The following PRELID2 variants were observed in gnomAD, a reference collection of about 807,000 sequenced individuals.
The protein encoded by PRELID2 is PRELI domain containing 2, also known as PRELI domain-containing protein 2.
In PRELID2, 25 loss-of-function variants were observed where a neutral mutation model predicts 28.4. That is an observed-to-expected ratio of 0.88 (90% CI 0.64 to 1.23). PRELID2 has a LOEUF of 1.23. PRELID2 is among the 50% of genes most tolerant of loss of function. PRELID2 has a pLI of 0.00. For missense variants in PRELID2, 201 were observed against 214.4 expected (o/e 0.94, Z 0.39); for synonymous variants, 76 against 71.6 (o/e 1.06, Z -0.31).
At chr5:145,508,488 G>C (rs1752432273) in intron 1 of PRELID2, among the ~76,000 whole-genome samples, 1 of 151,932 alleles carries the variant, frequency 6.6e-6, no homozygotes, top group African/African-American at 2.4e-5. Context: ...GAAAGAAAAA[G>C]CTTTTATTTC....
the PRELID2 span, among the ~76,000 whole-genome samples, chr5:145,429,422 CT>C: frequency 1.1e-4 from 16 of 152,052 alleles, no homozygotes; most frequent in African/African-American, 3.6e-4. Flanking sequence ...AGGAAACCAT[CT>C]GGGGGAGAGG....
At chr5:145,558,871 G>A (rs1338753221) in intron 1 of PRELID2, among the ~76,000 whole-genome samples, 1 of 152,180 alleles carries the variant, frequency 6.6e-6, no homozygotes, top group African/African-American at 2.4e-5. Flanking sequence ...AAAAAAATGT[G>A]ATGCACATTT....
the PRELID2 span, among the ~76,000 whole-genome samples, chr5:145,417,003 G>C: frequency 1.3e-5 from 2 of 151,490 alleles, no homozygotes; most frequent in Non-Finnish European, 2.9e-5. Flanking sequence ...TAATAAAACA[G>C]ACTGCAAGCT....
chr5:145,286,696 G>GTTTTTTTTTTT, the PRELID2 span, among the ~76,000 whole-genome samples: 1 of 116,990 alleles, frequency 8.5e-6, no homozygotes, highest in African/African-American at 4.0e-5. Flanking sequence ...CAACATAGAA[G>GTTTTTTTTTTT]TTTTTGTTTT....
chr5:145,308,763 G>A, the PRELID2 span, among the ~76,000 whole-genome samples: 1 of 152,244 alleles, frequency 6.6e-6, no homozygotes, highest in South Asian at 2.1e-4. Context: ...AGCAATGAAT[G>A]GCAACAAAGA....
At position 145,610,956 on chromosome 5, in the gene PRELID2, A is replaced by T. The variant is rs1334033404; in HGVS notation, n.71-137641T>A. Among the ~76,000 whole-genome samples the T allele has an allele frequency of 2.0e-5, 3 of 148,954 alleles. No homozygotes were observed. The Admixed American group carries it at 2.0e-4, about 10-fold the overall frequency. ...GACCCTAAACTACAGTAAACAAAAT[A>T]AAGAAATATATTTCTTTATATATTT... is the stretch of plus-strand genomic sequence containing the variant. On this transcript the variant is annotated intron_variant and non_coding_transcript_variant, in intron 1 of 2. Coordinates refer to the PRELID2 transcript ENST00000510259.
intron 1 of PRELID2, among the ~76,000 whole-genome samples, chr5:145,535,914 G>T (rs1721105806): frequency 6.6e-6 from 1 of 151,922 alleles, no homozygotes; most frequent in Admixed American, 6.6e-5. Flanking sequence ...TTTAAAGGTT[G>T]ATATTTAAAT....
chr5:145,707,826 C>T (rs1203343851), intron 1 of PRELID2, among the ~76,000 whole-genome samples: 1 of 151,988 alleles, frequency 6.6e-6, no homozygotes, highest in African/African-American at 2.4e-5. Context: ...GTACTGTATA[C>T]CCAAAACCAC....
intron 1 of PRELID2, among the ~76,000 whole-genome samples, chr5:145,700,391 C>A (rs527708400): frequency 3.9e-5 from 6 of 152,054 alleles, no homozygotes; most frequent in African/African-American, 1.5e-4. Flanking sequence ...CTTTCCCCCC[C>A]ACCACTCTCA....
chr5:145,688,730 G>A (rs2149694076), intron 1 of PRELID2, among the ~76,000 whole-genome samples: 1 of 152,210 alleles, frequency 6.6e-6, no homozygotes, highest in East Asian at 1.9e-4. Context: ...GAAGACCCAT[G>A]TACCTAGAGC....
chr5:145,320,239 T>C, the PRELID2 span, among the ~76,000 whole-genome samples: 1 of 152,170 alleles, frequency 6.6e-6, no homozygotes, highest in African/African-American at 2.4e-5. Context: ...CTGCCTGCAG[T>C]TGTCACATAT....
At chr5:145,494,525 C>T (rs536054223) in intron 1 of PRELID2, among the ~76,000 whole-genome samples, 1 of 152,156 alleles carries the variant, frequency 6.6e-6, no homozygotes, top group South Asian at 2.1e-4. Context: ...GACAAGATCA[C>T]ACATTTAAGT....
intron 6 of PRELID2, among the ~76,000 whole-genome samples, chr5:145,763,201 C>T (rs1354719183): frequency 6.6e-6 from 1 of 152,216 alleles, no homozygotes; most frequent in African/African-American, 2.4e-5. Context: ...ATCCCACCCT[C>T]CAGAGTAAGA....
At chr5:145,625,165 C>G (rs1373830202) in intron 1 of PRELID2, among the ~76,000 whole-genome samples, 1 of 152,046 alleles carries the variant, frequency 6.6e-6, no homozygotes, top group East Asian at 1.9e-4. Context: ...TTTGTCATTA[C>G]CCTTCAAAGA....
intron 1 of PRELID2, among the ~76,000 whole-genome samples, chr5:145,746,192 A>C (rs1756986251): frequency 6.6e-6 from 1 of 152,240 alleles, no homozygotes; most frequent in African/African-American, 2.4e-5. Flanking sequence ...AAATGGGCTA[A>C]ATGCCCCAAT....
the PRELID2 span, among the ~76,000 whole-genome samples, chr5:145,296,318 T>C: frequency 2.6e-5 from 4 of 151,492 alleles, no homozygotes; most frequent in Admixed American, 6.6e-5. Context: ...ATTAGGTATA[T>C]CTCCTAAAGC....
chr5:145,530,170 C>G (rs774557530), intron 1 of PRELID2, among the ~76,000 whole-genome samples: 17 of 152,120 alleles, frequency 1.1e-4, no homozygotes, highest in Non-Finnish European at 1.6e-4. Flanking sequence ...CTACTGACTC[C>G]TAGTCCAATG....
the PRELID2 span, among the ~76,000 whole-genome samples, chr5:145,255,192 A>G: frequency 1.5e-4 from 23 of 152,252 alleles, no homozygotes; most frequent in African/African-American, 5.5e-4. Context: ...AAGATGCAAG[A>G]GAATATGGCC....
At chr5:145,379,550 T>C in the PRELID2 span, among the ~76,000 whole-genome samples, 3 of 152,100 alleles carry the variant, frequency 2.0e-5, no homozygotes, top group African/African-American at 7.2e-5. Flanking sequence ...CTGTTCTCTG[T>C]GCAATGTTAA....
Sources: allele counts gnomAD v4.1 joint callset (sites outside exome capture counted in the v4.1 genomes callset), GRCh38; gene constraint gnomAD v4.1.1; transcripts MANE v1.5; gene names NCBI Gene and HGNC (gene_info 2026-07-23, HGNC 2026-07-21).